GPM6B: variants seen among roughly 807,000 people sequenced by gnomAD.
The protein encoded by GPM6B is neuronal membrane glycoprotein M6-b.
In GPM6B, 4 loss-of-function variants were observed where a neutral mutation model predicts 27.2. That is an observed-to-expected ratio of 0.15 (90% confidence interval 0.07 to 0.34). The LOEUF (loss-of-function observed/expected upper bound fraction) is 0.34, where lower values mean the gene tolerates loss of function less well. Among genes scored for constraint, GPM6B ranks in the 10% least tolerant of loss-of-function variants. GPM6B has a pLI of 1.00. For missense variants in GPM6B, 183 were observed against 261.9 expected, an observed-to-expected ratio of 0.70 and a Z score of 2.08; for synonymous variants, 124 against 103.1, an observed-to-expected ratio of 1.20 and a Z score of -1.23.
intron 1 of GPM6B, among the ~76,000 whole-genome samples, chrX:13,858,840 A>C (rs2049810934): frequency 8.9e-6 from 1 of 111,918 alleles, no homozygotes. Flanking sequence ...TAGTGTATAT[A>C]AACTGTCTGC....
intron 1 of GPM6B, among the ~76,000 whole-genome samples, chrX:13,812,143 G>A (rs943635365): frequency 5.9e-5 from 6 of 101,286 alleles, no homozygotes; most frequent in Admixed American, 1.1e-4. Flanking sequence ...TCCGCCTCTC[G>A]GGTTCACGCC....
intron 1 of GPM6B, among the ~76,000 whole-genome samples, chrX:13,844,869 A>T (rs2049624872): frequency 9.0e-6 from 1 of 111,660 alleles, no homozygotes; most frequent in African/African-American, 3.3e-5. Context: ...AAGACAATTC[A>T]TTGTTTTTGA....
intron 1 of GPM6B, among the ~76,000 whole-genome samples, chrX:13,920,978 TGA>T (rs1920966082): frequency 8.9e-6 from 1 of 112,087 alleles, no homozygotes; most frequent in Non-Finnish European, 1.9e-5. Context: ...CATGAATATT[TGA>T]GAGTTTGCTA....
At chrX:13,878,389 G>A (rs1182094827) in intron 1 of GPM6B, among the ~76,000 whole-genome samples, 3 of 110,872 alleles carry the variant, frequency 2.7e-5, no homozygotes, top group Non-Finnish European at 5.7e-5. Context: ...AGAGGGGTCT[G>A]GGAGTGAGAA....
intron 1 of GPM6B, among the ~76,000 whole-genome samples, chrX:13,811,068 G>A (rs2049122758): frequency 8.9e-6 from 1 of 112,239 alleles, no homozygotes; most frequent in East Asian, 2.8e-4. Context: ...CTTTTAAAAT[G>A]TCTTGATTCT....
chrX:13,841,350 T>G, intron 1 of GPM6B, among the ~76,000 whole-genome samples: 1 of 111,852 alleles, frequency 8.9e-6, no homozygotes. Context: ...GCTCTGCCAT[T>G]TGCCAGCTAG....
intron 1 of GPM6B, among the ~76,000 whole-genome samples, chrX:13,851,716 T>A (rs148785507): frequency 4.9e-3 from 534 of 109,279 alleles, no homozygotes; most frequent in Non-Finnish European, 8.2e-3. Context: ...CCTGGAGAGG[T>A]CCAGTTTCCA....
At chrX:13,781,292 A>T (rs2048511269) in intron 4 of GPM6B, among the ~76,000 whole-genome samples, 1 of 111,740 alleles carries the variant, frequency 8.9e-6, no homozygotes, top group Non-Finnish European at 1.9e-5. Context: ...CAAACCTCCC[A>T]CACAGGACTA....
At chrX:13,905,242 A>AAG (rs1555929072) in intron 1 of GPM6B, among the ~76,000 whole-genome samples, 5 of 107,889 alleles carry the variant, frequency 4.6e-5, no homozygotes, top group South Asian at 8.0e-4. Flanking sequence ...AAAAAAAAAA[A>AAG]AAAAGAAAAG....
rs768162374 is a variant in GPM6B at position 13,777,241 on chromosome X, G to A, written c.771+111C>T. ...CTCTATCTTAAAGATTCTAAACAAG[G>A]AGCTTTCCTTAATGGCATTTTAACC... On this transcript the variant is annotated intron_variant, in intron 6 of 7. Coordinates refer to ENST00000316715, the MANE Select transcript of GPM6B (RefSeq NM_001001995.3). The A allele has an allele frequency of 6.3e-5, 35 of 551,998 alleles. No individual in the cohort carries two copies. The African/African-American group carries it at 8.0e-4, about 13-fold the overall frequency. The allele number at this position is 551,998 out of a possible 1,213,427, so 45.5% of individuals were successfully genotyped here. A position where few individuals can be genotyped will look rare whatever the true frequency, so the allele number is the denominator to read the frequency against.
intron 1 of GPM6B, among the ~76,000 whole-genome samples, chrX:13,872,799 G>A (rs185482843): frequency 8.1e-5 from 9 of 111,517 alleles, no homozygotes. Flanking sequence ...GGGAGGCAAG[G>A]AATGAGAGGG....
intron 2 of GPM6B, among the ~76,000 whole-genome samples, chrX:13,792,653 G>A (rs1474986735): frequency 8.9e-6 from 1 of 111,994 alleles, no homozygotes; most frequent in Non-Finnish European, 1.9e-5. Context: ...TGTAATCCCA[G>A]CACTTTGGGA....
chrX:13,802,078 A>T (rs910588441), intron 2 of GPM6B, among the ~76,000 whole-genome samples: 2 of 111,345 alleles, frequency 1.8e-5, no homozygotes, highest in Non-Finnish European at 3.8e-5. Flanking sequence ...CTCCCCAGCT[A>T]CTTCAGAGTA....
chrX:13,938,473 G>C (rs1921959066), upstream of GPM6B: 4 of 919,462 alleles, frequency 4.4e-6, no homozygotes, highest in African/African-American at 2.0e-5. Flanking sequence ...GCGCGAGACC[G>C]TGGCCGTGGC....
intron 1 of GPM6B, among the ~76,000 whole-genome samples, chrX:13,888,457 A>G (rs2050158295): frequency 9.0e-6 from 1 of 111,565 alleles, no homozygotes; most frequent in Admixed American, 9.5e-5. Context: ...GGCGGTTCAA[A>G]CTCTGTCCTC....
intron 1 of GPM6B, among the ~76,000 whole-genome samples, chrX:13,850,546 T>C (rs2049703200): frequency 8.9e-6 from 1 of 112,784 alleles, no homozygotes; most frequent in Non-Finnish European, 1.9e-5. Flanking sequence ...ACAGTCAGTC[T>C]GCCAAGTTAC....
At chrX:13,867,721 G>A (rs1248178505) in intron 1 of GPM6B, among the ~76,000 whole-genome samples, 1 of 111,657 alleles carries the variant, frequency 9.0e-6, no homozygotes, top group Non-Finnish European at 1.9e-5. Context: ...GAAAGATGAG[G>A]AGGACCTGAA....
At chrX:13,783,601 C>A in intron 3 of GPM6B, 80 bp from the exon 4 acceptor site, 2 of 825,611 alleles carry the variant, frequency 2.4e-6, no homozygotes, top group Non-Finnish European at 3.5e-6. Context: ...GGAGAGAGGA[C>A]ATGAGGGGGA....
At chrX:13,921,079 G>A (rs1451281283) in intron 1 of GPM6B, among the ~76,000 whole-genome samples, 2 of 111,810 alleles carry the variant, frequency 1.8e-5, no homozygotes, top group Non-Finnish European at 1.9e-5. Flanking sequence ...CATCATTTAT[G>A]TTTCATTATC....
Sources: allele counts gnomAD v4.1 joint callset (sites outside exome capture counted in the v4.1 genomes callset), GRCh38; gene constraint gnomAD v4.1.1; transcripts MANE v1.5; gene names NCBI Gene and HGNC (gene_info 2026-07-23, HGNC 2026-07-21).